NSD2: variants seen among roughly 807,000 people sequenced by gnomAD.
NSD2 encodes the protein nuclear receptor binding SET domain protein 2.
A neutral mutation model predicts 139.0 loss-of-function variants in NSD2; 12 were observed. The observed-to-expected ratio is 0.09, with a 90% CI of 0.06 to 0.14. The LOEUF (loss-of-function observed/expected upper bound fraction) is 0.14. Among genes scored for constraint, NSD2 ranks in the 10% least tolerant of loss-of-function variants. The probability of loss-of-function intolerance (pLI) is 1.00; values close to 1 mark genes in which losing one functional copy is unlikely to be tolerated. For synonymous variants in NSD2, 669 were observed against 648.7 expected, an observed-to-expected ratio of 1.03 and a Z score of -0.48; for missense variants, 1,155 against 1,745.0, an observed-to-expected ratio of 0.66 and a Z score of 6.02.
intron 5 of NSD2, among the ~76,000 whole-genome samples, chr4:1,923,939 T>C (rs1437682059): frequency 1.3e-5 from 2 of 152,230 alleles, no homozygotes; most frequent in African/African-American, 4.8e-5. Flanking sequence ...GTTTAACTTA[T>C]CCCTTTCTCT....
chr4:1,881,172 G>A (rs1263642764), intron 1 of NSD2, among the ~76,000 whole-genome samples: 2 of 152,154 alleles, frequency 1.3e-5, no homozygotes, highest in Non-Finnish European at 2.9e-5. Flanking sequence ...GTCCCTCCCG[G>A]ACTCAAATGG....
chr4:1,894,908 A>G (rs886546253), intron 1 of NSD2, among the ~76,000 whole-genome samples: 5 of 152,124 alleles, frequency 3.3e-5, no homozygotes, highest in South Asian at 2.1e-4. Context: ...CATCTTCTCA[A>G]ACTGAAACTC....
At chr4:1,937,669 G>T (rs1722564552) in intron 7 of NSD2, among the ~76,000 whole-genome samples, 1 of 152,178 alleles carries the variant, frequency 6.6e-6, no homozygotes, top group Admixed American at 6.5e-5. Context: ...CTGTCGCCTT[G>T]TCCATGATCC....
chr4:1,906,654 CTTTTTT>C (rs537619996), intron 3 of NSD2, among the ~76,000 whole-genome samples: 5 of 99,954 alleles, frequency 5.0e-5, no homozygotes, highest in Admixed American at 4.9e-4. Flanking sequence ...CTCTCTCTCT[CTTTTTT>C]TTTTTTTTTT....
At chr4:1,941,667 A>G in intron 9 of NSD2, 2 of 1,044,188 alleles carry the variant, frequency 1.9e-6, no homozygotes, top group Non-Finnish European at 2.3e-6. Context: ...CATAGATCCC[A>G]TAGTGTGCAT....
In NSD2 at chr4:1,980,190, T is replaced by G. The variant is rs1231919785; in HGVS notation, c.*1281T>G. On this transcript the variant is annotated 3_prime_UTR_variant, in exon 22 of 22. Transcript: ENST00000508803. ...GTATGACACCCACTCTCCTGTGAGA[T>G]TTCACTTTAGTTTTTAAAAGGTCCA... The G allele has an allele frequency of 4.3e-6, 1 of 233,146 alleles. No individual in the cohort carries two copies. The highest frequency in any genetic ancestry group is 8.5e-6 in the Non-Finnish European group (1 of 118,016). The allele number at this position is 233,146 out of a possible 1,614,324, so 14.4% of individuals were successfully genotyped here.
At chr4:1,957,035 T>C (rs914548356) in intron 15 of NSD2, among the ~76,000 whole-genome samples, 8 of 152,222 alleles carry the variant, frequency 5.3e-5, no homozygotes, top group Non-Finnish European at 1.2e-4. Flanking sequence ...CTTATGTGTT[T>C]GCTGCGACTG....
chr4:1,891,746 A>T (rs1715571931), intron 1 of NSD2, among the ~76,000 whole-genome samples: 1 of 151,358 alleles, frequency 6.6e-6, no homozygotes, highest in East Asian at 1.9e-4. Flanking sequence ...AGTTCCAGCT[A>T]CTCGGCAGGC....
intron 1 of NSD2, among the ~76,000 whole-genome samples, chr4:1,874,793 AAG>A (rs1328395140): frequency 6.6e-6 from 1 of 152,156 alleles, no homozygotes; most frequent in Non-Finnish European, 1.5e-5. Context: ...CAGAATACGA[AAG>A]AGGAGATGAC....
At chr4:1,959,813 G>C in intron 17 of NSD2, 73 bp downstream of exon 17, 1 of 1,572,182 alleles carries the variant, frequency 6.4e-7, no homozygotes, top group Non-Finnish European at 8.7e-7. Context: ...AGGTTTGCTT[G>C]TGGTGGTTTT....
chr4:1,917,078 T>C (rs1318918943), intron 4 of NSD2, 41 bp downstream of exon 4: 1 of 1,512,094 alleles, frequency 6.6e-7, no homozygotes, highest in Non-Finnish European at 8.9e-7. Context: ...ACCAGAAATT[T>C]AATTTTTATT....
rs1235560252 is a variant in NSD2, at chr4:1,972,670, T to TG, written c.3373-2188dup. On this transcript the variant is annotated intron_variant, in intron 18 of 21. Transcript: ENST00000508803. The surrounding 1 kb of genome is among the most constrained non-coding windows in gnomAD (Gnocchi z 4.0). The stretch of plus-strand genomic sequence containing the variant: ...TCCAGATGGATTGAACAGCTAGGAG[T>TG]GGGGGAGATGCATTTTATAATCTGT... Among the ~76,000 whole-genome samples the TG allele has an allele frequency of 1.3e-5, 2 of 151,548 alleles. No homozygotes were observed. Among genetic ancestry groups the TG allele is most frequent in the African/African-American group, 2.4e-5 (1 of 41,162 alleles).
chr4:1,919,753 G>A (rs1200331563), intron 5 of NSD2, among the ~76,000 whole-genome samples: 4 of 152,058 alleles, frequency 2.6e-5, no homozygotes, highest in African/African-American at 9.7e-5. Flanking sequence ...CCAACATGAT[G>A]AAACCCCGTC....
rs1038310313 is a variant in NSD2 at position 1,954,960 on chromosome 4, G to A, written c.2339-201G>A. Among the ~76,000 whole-genome samples, 14 of 152,158 alleles carry A rather than the reference G, an allele frequency of 9.2e-5. No homozygotes were observed. In the East Asian group the frequency reaches 1.5e-3, roughly 17 times the overall value. Reference sequence around the variant, plus strand: ...CTGCAGTGCCCAGGCTGAGACACGCGGCATTTTAGATGTATGACCATTTTC... The same window carrying A: ...CTGCAGTGCCCAGGCTGAGACACGCAGCATTTTAGATGTATGACCATTTTC... On this transcript the variant is annotated intron_variant, in intron 12 of 21. Transcript: ENST00000508803.
intron 5 of NSD2, among the ~76,000 whole-genome samples, chr4:1,919,911 G>C (rs1719896949): frequency 1.3e-5 from 2 of 152,052 alleles, no homozygotes; most frequent in Non-Finnish European, 2.9e-5. Context: ...ACTCCAGCCT[G>C]GCGACAGAAT....
chr4:1,979,154 C>T lies in NSD2; in HGVS notation c.*245C>T, dbSNP rs905688888. The T allele has an allele frequency of 1.2e-5, 5 of 415,556 alleles. No homozygotes were observed. The highest frequency in any genetic ancestry group is 9.3e-5 in the South Asian group (1 of 10,746). The allele number at this position is 415,556 out of a possible 1,614,324, so 25.7% of individuals were successfully genotyped here. ...CTGGACAAACAGCCTCACTCCTCAGCGTTACCGCCACACTTGAATTTCTCC... is the reference window on the plus strand; with the variant it reads ...CTGGACAAACAGCCTCACTCCTCAGTGTTACCGCCACACTTGAATTTCTCC... On this transcript the variant is annotated 3_prime_UTR_variant, in exon 22 of 22. Coordinates refer to ENST00000508803, the MANE Select transcript of NSD2 (RefSeq NM_001042424.3).
chr4:1,943,242 T>C, intron 9 of NSD2: 1 of 1,041,608 alleles, frequency 9.6e-7, no homozygotes, highest in Non-Finnish European at 1.2e-6. Flanking sequence ...CACAGTACCA[T>C]GCGAGTAGCC....
chr4:1,886,985 A>G (rs1388384980), intron 1 of NSD2, among the ~76,000 whole-genome samples: 1 of 152,000 alleles, frequency 6.6e-6, no homozygotes, highest in Non-Finnish European at 1.5e-5. Flanking sequence ...TCTTCCCAAC[A>G]TTCCCAATAT....
chr4:1,906,663 T>C (rs1043518622), intron 3 of NSD2, among the ~76,000 whole-genome samples: 3 of 143,166 alleles, frequency 2.1e-5, no homozygotes, highest in African/African-American at 2.6e-5. Context: ...TCTTTTTTTT[T>C]TTTTTTTTTT....
Sources: gnomAD v4.1 joint callset for allele counts (sites outside exome capture counted in the v4.1 genomes callset) on GRCh38, gnomAD v4.1.1 for gene constraint, Gnocchi (gnomAD v3.1) non-coding constraint, MANE v1.5 for transcripts, NCBI Gene and HGNC (gene_info 2026-07-23, HGNC 2026-07-21) for gene names.